Variants in LANCL2 observed in about 807,000 individuals in gnomAD.
LANCL2 encodes the protein lanC-like protein 2.
A neutral mutation model predicts 56.9 loss-of-function variants in LANCL2; 33 were observed. That is an observed-to-expected ratio of 0.58 (90% CI 0.44 to 0.78). The LOEUF is 0.78. Ranked by LOEUF, LANCL2 falls within the 30% of genes least tolerant of loss-of-function variation. The probability of loss-of-function intolerance (pLI) is 0.00; values close to 1 mark genes in which losing one functional copy is unlikely to be tolerated. For synonymous variants in LANCL2, 233 were observed against 228.2 expected, an observed-to-expected ratio of 1.02 and a Z score of -0.19; for missense variants, 562 against 580.2, an observed-to-expected ratio of 0.97 and a Z score of 0.32.
At chr7:55,403,335 C>G (rs1292570858) in intron 5 of LANCL2, among the ~76,000 whole-genome samples, 1 of 152,184 alleles carries the variant, frequency 6.6e-6, no homozygotes, top group South Asian at 2.1e-4. Context: ...CGCAGGCACT[C>G]GGCAGGCTGA....
intron 8 of LANCL2, among the ~76,000 whole-genome samples, chr7:55,430,367 C>A (rs1790714510): frequency 6.6e-6 from 1 of 152,146 alleles, no homozygotes; most frequent in Non-Finnish European, 1.5e-5. Context: ...GAGCCAGATA[C>A]AAGGGCTGTA....
chr7:55,369,531 C>T (rs1583738664), intron 1 of LANCL2, among the ~76,000 whole-genome samples: 1 of 152,116 alleles, frequency 6.6e-6, no homozygotes, highest in East Asian at 1.9e-4. Context: ...AGCAGTGAAC[C>T]AGTGTAGTAG....
In LANCL2 at chr7:55,366,086, G is replaced by C; in HGVS notation, c.61G>C (p.Glu21Gln). 6.5e-7 allele frequency: 1 copy of C among 1,536,620 alleles called. No individual in the cohort carries two copies. Among genetic ancestry groups the C allele is most frequent in the Non-Finnish European group, 8.8e-7 (1 of 1,137,856 alleles). ...CCTGGGAGGGGAGGCAGAAATGGAG[G>C]AACGGGCGTTCGTCAACCCCTTCCC... The part of the protein sequence containing the change: ...LHLGGEAEME[E>Q]RAFVNPFPDY... The change falls in exon 1 of 9, where the codon GAA becomes CAA. Residue 21 changes from glutamate to glutamine, a missense_variant. Physicochemically the swap from Glu to Gln is conservative, Grantham distance 29. This residue lies in a region of LANCL2 where 184 missense variants were observed against 111.8 expected (regional missense o/e 1.65). Transcript: ENST00000254770.
At chr7:55,366,289 A>G (rs1032103852) in intron 1 of LANCL2, 60 bp downstream of exon 1, 27 of 1,364,906 alleles carry the variant, frequency 2.0e-5, no homozygotes, top group Non-Finnish European at 2.6e-5. Flanking sequence ...GGTAGCGTCC[A>G]CCTTCCGCCA....
chr7:55,416,983 T>G (rs1423752175), intron 6 of LANCL2, among the ~76,000 whole-genome samples: 1 of 137,844 alleles, frequency 7.3e-6, no homozygotes, highest in African/African-American at 2.7e-5. Context: ...TTTTTTTTTT[T>G]TTTTTTTTTT....
At chr7:55,405,017 G>A (rs1365956480) in intron 5 of LANCL2, among the ~76,000 whole-genome samples, 1 of 152,188 alleles carries the variant, frequency 6.6e-6, no homozygotes, top group Non-Finnish European at 1.5e-5. Flanking sequence ...GTTCTCCAGA[G>A]AAACAACCAA....
chr7:55,393,394 T>C lies in LANCL2; in HGVS notation c.322+1484T>C, dbSNP rs544818927. On this transcript the variant is annotated intron_variant, in intron 2 of 8. Coordinates refer to ENST00000254770, the MANE Select transcript of LANCL2 (RefSeq NM_018697.4). ...TAAAAATACGAAAATTAGCTGGGCA[T>C]AGTGGCATGGGCCTATAGTCCCAGC... Among the ~76,000 whole-genome samples, 11 of 152,282 alleles carry C rather than the reference T, an allele frequency of 7.2e-5. No individual in the cohort carries two copies. In the South Asian group the frequency reaches 1.5e-3, roughly 20 times the overall value.
chr7:55,379,620 A>G (rs1790043159), intron 1 of LANCL2: 1 of 152,684 alleles, frequency 6.5e-6, no homozygotes, highest in African/African-American at 2.4e-5. Context: ...TTCTCATGCA[A>G]ATGATTCTGC....
At chr7:55,418,393 T>G (rs370798408) in intron 6 of LANCL2, among the ~76,000 whole-genome samples, 1 of 152,032 alleles carries the variant, frequency 6.6e-6, no homozygotes. Flanking sequence ...TTGACCAGGC[T>G]GGTCTCAAAC....
intron 2 of LANCL2, among the ~76,000 whole-genome samples, 173 bp from the exon 3 acceptor site, chr7:55,398,250 T>A (rs1466257453): frequency 2.0e-5 from 3 of 152,180 alleles, no homozygotes; most frequent in Non-Finnish European, 4.4e-5. Flanking sequence ...CTGTCTTGGT[T>A]TTATTTTGTT....
At chr7:55,401,379 G>C in intron 5 of LANCL2, 59 bp downstream of exon 5, 1 of 1,465,990 alleles carries the variant, frequency 6.8e-7, no homozygotes, top group South Asian at 1.2e-5. Flanking sequence ...AATGGGAAAT[G>C]AATCCTGCAT....
intron 1 of LANCL2, among the ~76,000 whole-genome samples, chr7:55,366,443 C>T (rs906162936): frequency 6.6e-6 from 1 of 152,254 alleles, no homozygotes; most frequent in Non-Finnish European, 1.5e-5. Flanking sequence ...TTCGGCCCTC[C>T]TGGCCCCAAC....
chr7:55,368,799 G>A (rs10246145), intron 1 of LANCL2, among the ~76,000 whole-genome samples: 53,418 of 151,920 alleles, frequency 0.35, 9,858 homozygotes, highest in African/African-American at 0.42. Flanking sequence ...TTAAGATGAT[G>A]TAATACTGGA....
At chr7:55,395,756 G>T (rs938588915) in intron 2 of LANCL2, among the ~76,000 whole-genome samples, 1 of 152,244 alleles carries the variant, frequency 6.6e-6, no homozygotes, top group Admixed American at 6.5e-5. Flanking sequence ...CATCAGAGAA[G>T]TGAGGTCACA....
At chr7:55,372,822 G>C (rs1386575916) in intron 1 of LANCL2, among the ~76,000 whole-genome samples, 1 of 151,902 alleles carries the variant, frequency 6.6e-6, no homozygotes, top group East Asian at 1.9e-4. Context: ...TTTTTCCTAA[G>C]GAAAATATGG....
At chr7:55,415,414 A>C (rs1790517159) in intron 6 of LANCL2, among the ~76,000 whole-genome samples, 2 of 152,200 alleles carry the variant, frequency 1.3e-5, no homozygotes. Flanking sequence ...TATATATGTC[A>C]GAAAATGCTT....
In LANCL2 at chr7:55,391,881, A is replaced by G; in HGVS notation, c.293A>G (p.His98Arg). 1 of 1,608,220 alleles carries G rather than the reference A, an allele frequency of 6.2e-7. No homozygotes were observed. Among genetic ancestry groups the G allele is most frequent in the South Asian group, 1.1e-5 (1 of 90,968 alleles). ...GAAGGGCTGAAGACAGCTGATCCCCATGACTGCTCTGCTTATACTGGCTGG... is the reference window on the plus strand; with the variant it reads ...GAAGGGCTGAAGACAGCTGATCCCCGTGACTGCTCTGCTTATACTGGCTGG... The part of the protein sequence containing the change: ...MEEGLKTADP[H>R]DCSAYTGWTG... The change falls in exon 2 of 9, where the codon CAT (histidine) becomes CGT (arginine). Residue 98 changes from histidine (H) to arginine (R), a missense_variant. Transcript: ENST00000254770.
intron 8 of LANCL2, among the ~76,000 whole-genome samples, chr7:55,430,316 C>T (rs897437431): frequency 2.6e-5 from 4 of 152,208 alleles, no homozygotes; most frequent in Non-Finnish European, 2.9e-5. Flanking sequence ...CAACTATGAA[C>T]AGGCACAGAA....
intron 1 of LANCL2, among the ~76,000 whole-genome samples, chr7:55,385,916 G>A (rs919683139): frequency 6.6e-6 from 1 of 152,134 alleles, no homozygotes; most frequent in South Asian, 2.1e-4. Flanking sequence ...CTACCCCTAG[G>A]TGCGCATTCT....
Sources: allele counts gnomAD v4.1 joint callset (sites outside exome capture counted in the v4.1 genomes callset), GRCh38; gene constraint gnomAD v4.1.1; regional missense constraint gnomAD v4.1.1; transcripts MANE v1.5; gene names NCBI Gene and HGNC (gene_info 2026-07-23, HGNC 2026-07-21).